MECOM: variants seen among roughly 807,000 people sequenced by gnomAD.
MECOM encodes MDS1 and EVI1 complex locus.
Under a neutral mutation model 116.3 loss-of-function variants are expected in MECOM, and 13 were observed. That is an observed-to-expected ratio of 0.11 (90% CI 0.07 to 0.18). The LOEUF (loss-of-function observed/expected upper bound fraction) is 0.18, where lower values mean the gene tolerates loss of function less well. MECOM is among the 10% of genes least tolerant of loss of function. The probability of loss-of-function intolerance (pLI) is 1.00; values close to 1 mark genes in which losing one functional copy is unlikely to be tolerated. For missense variants in MECOM, 1,299 were observed against 1,509.0 expected, an observed-to-expected ratio of 0.86 and a Z score of 2.31; for synonymous variants, 528 against 535.2, an observed-to-expected ratio of 0.99 and a Z score of 0.19.
intron 1 of MECOM, among the ~76,000 whole-genome samples, chr3:169,586,667 G>A (rs1215091550): frequency 1.3e-5 from 2 of 152,164 alleles, no homozygotes; most frequent in African/African-American, 2.4e-5. Context: ...CATCCCCTAG[G>A]AATATATAAT....
chr3:169,149,216 T>C (rs1740721226), intron 2 of MECOM, among the ~76,000 whole-genome samples: 1 of 152,106 alleles, frequency 6.6e-6, no homozygotes, highest in South Asian at 2.1e-4. Flanking sequence ...GGGGAACCGA[T>C]TGCTTCAGAC....
At chr3:169,640,078 C>A (rs1053532034) in intron 1 of MECOM, among the ~76,000 whole-genome samples, 1 of 152,052 alleles carries the variant, frequency 6.6e-6, no homozygotes, top group Admixed American at 6.6e-5. Context: ...TTGGTCAGAG[C>A]AAACCTGGAG....
chr3:169,519,945 T>C (rs1462275002), intron 1 of MECOM, among the ~76,000 whole-genome samples: 1 of 152,222 alleles, frequency 6.6e-6, no homozygotes, highest in Admixed American at 6.5e-5. Context: ...GCCTGGCCAA[T>C]AGAAGCATTT....
At chr3:169,287,726 TA>T (rs1373384654) in intron 2 of MECOM, among the ~76,000 whole-genome samples, 1 of 152,208 alleles carries the variant, frequency 6.6e-6, no homozygotes, top group Non-Finnish European at 1.5e-5. Context: ...AGTGAGGCCG[TA>T]AAAAAATTGT....
At chr3:169,464,589 A>G (rs1347135585) in intron 1 of MECOM, among the ~76,000 whole-genome samples, 1 of 152,148 alleles carries the variant, frequency 6.6e-6, no homozygotes, top group African/African-American at 2.4e-5. Flanking sequence ...GGAGGGCATT[A>G]CATGGGGAAA....
At chr3:169,262,699 G>GC (rs1560060239) in intron 2 of MECOM, among the ~76,000 whole-genome samples, 1 of 152,094 alleles carries the variant, frequency 6.6e-6, no homozygotes, top group Non-Finnish European at 1.5e-5. Context: ...TCTGGAGAAA[G>GC]CCCCCCACCA....
At chr3:169,340,503 A>T (rs934166736) in intron 2 of MECOM, among the ~76,000 whole-genome samples, 1 of 152,208 alleles carries the variant, frequency 6.6e-6, no homozygotes, top group Non-Finnish European at 1.5e-5. Flanking sequence ...ACTGTCATCG[A>T]GCCTGGTACA....
intron 1 of MECOM, among the ~76,000 whole-genome samples, chr3:169,433,851 T>G (rs1034730138): frequency 8.5e-5 from 13 of 152,148 alleles, no homozygotes; most frequent in African/African-American, 3.1e-4. Flanking sequence ...CTTTCAAATG[T>G]TTGAACGCAG....
chr3:169,454,867 A>G (rs1345991684), intron 1 of MECOM, among the ~76,000 whole-genome samples: 2 of 152,182 alleles, frequency 1.3e-5, no homozygotes, highest in South Asian at 2.1e-4. Flanking sequence ...CACGCCTCAT[A>G]CAGAAACACT....
chr3:169,568,439 C>G (rs993567160), intron 1 of MECOM, among the ~76,000 whole-genome samples: 2 of 152,094 alleles, frequency 1.3e-5, no homozygotes, highest in African/African-American at 4.8e-5. Context: ...ATCCCACCCC[C>G]AGAAAGCCCA....
At chr3:169,659,911 G>T (rs942740187) in intron 1 of MECOM, among the ~76,000 whole-genome samples, 17 of 152,084 alleles carry the variant, frequency 1.1e-4, no homozygotes, top group African/African-American at 3.6e-4. Flanking sequence ...AGTAACAAGT[G>T]CCCCCCTTGC....
At chr3:169,186,309 A>G (rs1746701831) in intron 2 of MECOM, among the ~76,000 whole-genome samples, 1 of 123,304 alleles carries the variant, frequency 8.1e-6, no homozygotes, top group African/African-American at 2.8e-5. Context: ...GGAAAGATGG[A>G]AAGGAAGGAA....
chr3:169,233,394 G>T (rs1410990788), intron 2 of MECOM, among the ~76,000 whole-genome samples: 1 of 152,108 alleles, frequency 6.6e-6, no homozygotes, highest in African/African-American at 2.4e-5. Flanking sequence ...GCAGTAAAAT[G>T]GGGGTGAAAG....
intron 2 of MECOM, among the ~76,000 whole-genome samples, chr3:169,229,142 G>C (rs1362314299): frequency 6.6e-6 from 1 of 152,074 alleles, no homozygotes; most frequent in Non-Finnish European, 1.5e-5. Context: ...CTTCCAGAGG[G>C]GTTCCATAAA....
At chr3:169,567,843 GA>G (rs1353569838) in intron 1 of MECOM, among the ~76,000 whole-genome samples, 2 of 152,012 alleles carry the variant, frequency 1.3e-5, no homozygotes, top group Non-Finnish European at 2.9e-5. Flanking sequence ...TAATTACATG[GA>G]AAAAAATATA....
Position 169,127,905 on chromosome 3 carries a change from G to T in MECOM, c.769C>A (p.Gln257Lys). Residue 257 changes from glutamine to lysine, a missense_variant, in exon 5 of 17, where the codon CAA becomes AAA. Physicochemically the swap from Gln to Lys is moderately conservative, Grantham distance 53. Transcript: ENST00000651503. ...QQKLESENDL[Q>K]EIHTIQECKE... ...CACTCCTGGATCGTGTGTATCTCTT[G>T]GAGATCATTCTCGCTTTCGAGTTTT... 1.2e-6 allele frequency: 2 copies of T among 1,614,048 alleles called. No individual in the cohort carries two copies. The highest frequency in any genetic ancestry group is 1.7e-6 in the Non-Finnish European group (2 of 1,179,952).
At chr3:169,502,782 T>C (rs1440493331) in intron 1 of MECOM, among the ~76,000 whole-genome samples, 6 of 152,200 alleles carry the variant, frequency 3.9e-5, no homozygotes, top group African/African-American at 1.2e-4. Context: ...TGGATAGTTA[T>C]AAGTATGTCA....
chr3:169,204,114 T>G (rs746151732), intron 2 of MECOM, among the ~76,000 whole-genome samples: 1 of 152,160 alleles, frequency 6.6e-6, no homozygotes, highest in Non-Finnish European at 1.5e-5. Flanking sequence ...TGGGAGAAGG[T>G]GGAAACCCTA....
At chr3:169,309,364 G>T (rs1174608639) in intron 2 of MECOM, among the ~76,000 whole-genome samples, 1 of 152,042 alleles carries the variant, frequency 6.6e-6, no homozygotes, top group Non-Finnish European at 1.5e-5. Context: ...TCAGAGAATT[G>T]AATAAACTCA....
Sources: gnomAD v4.1 joint callset for allele counts (sites outside exome capture counted in the v4.1 genomes callset) on GRCh38, gnomAD v4.1.1 for gene constraint, MANE v1.5 for transcripts, NCBI Gene and HGNC (gene_info 2026-07-23, HGNC 2026-07-21) for gene names.